The following NFIB variants were observed in gnomAD, a reference collection of about 807,000 sequenced individuals.
NFIB encodes nuclear factor 1 B-type.
Under a neutral mutation model 61.5 loss-of-function variants are expected in NFIB, and 11 were observed. That is an observed-to-expected ratio of 0.18 (90% CI 0.11 to 0.30). The LOEUF (loss-of-function observed/expected upper bound fraction) is 0.30. NFIB is among the 10% of genes least tolerant of loss of function. The pLI, the probability that NFIB is intolerant of heterozygous loss-of-function variation, is 1.00. For synonymous variants in NFIB, 260 were observed against 216.5 expected (o/e 1.20, Z -1.76); for missense variants, 471 against 608.9 (o/e 0.77, Z 2.38).
At chr9:14,523,542 T>C in the NFIB span, among the ~76,000 whole-genome samples, 1 of 152,038 alleles carries the variant, frequency 6.6e-6, no homozygotes, top group Non-Finnish European at 1.5e-5. Context: ...ATGTAAGAAT[T>C]ATGGGGAAAT....
the NFIB span, among the ~76,000 whole-genome samples, chr9:14,414,305 T>G: frequency 1.4e-4 from 22 of 151,806 alleles, no homozygotes; most frequent in South Asian, 6.3e-4. Context: ...CGTGGTGGCA[T>G]GTGCCTGTAG....
Position 14,082,547 on chromosome 9 carries a change from TAG to T in NFIB, c.*5760_*5761del, listed in dbSNP as rs2032133008. On this transcript the variant is annotated 3_prime_UTR_variant, in exon 11 of 11. Transcript: ENST00000380953. ...TTACCCCTCACATTCTACAATGTTG[TAG>T]AGATTTTTTTTCCCAAGAAAATGTC... is the stretch of plus-strand genomic sequence containing the variant. The T allele has an allele frequency of 1.4e-5, 3 of 207,498 alleles. No homozygotes were observed. The highest frequency in any genetic ancestry group is 1.5e-3 in the Middle Eastern group (1 of 660). The allele number at this position is 207,498 out of a possible 1,614,324, so 12.9% of individuals were successfully genotyped here. A position where few individuals can be genotyped will look rare whatever the true frequency, so the allele number is the denominator to read the frequency against.
At chr9:14,207,721 T>G (rs2049890972) in intron 2 of NFIB, among the ~76,000 whole-genome samples, 1 of 152,184 alleles carries the variant, frequency 6.6e-6, no homozygotes, top group Admixed American at 6.5e-5. Flanking sequence ...GAGAGTCTAA[T>G]TTCTCCCACG....
the NFIB span, among the ~76,000 whole-genome samples, chr9:14,436,794 T>C: frequency 2.0e-5 from 3 of 152,210 alleles, no homozygotes. Flanking sequence ...GGATCTACTA[T>C]AGTTCAGTTA....
the NFIB span, among the ~76,000 whole-genome samples, chr9:14,457,642 A>G: frequency 1.3e-5 from 2 of 152,080 alleles, no homozygotes; most frequent in African/African-American, 4.8e-5. Flanking sequence ...AGAAGAAAAG[A>G]GAGAAGAATC....
chr9:14,488,986 A>C, the NFIB span, among the ~76,000 whole-genome samples: 5 of 152,194 alleles, frequency 3.3e-5, no homozygotes, highest in African/African-American at 1.2e-4. Flanking sequence ...ATGACATAAC[A>C]GCTGTCTCTT....
intron 2 of NFIB, among the ~76,000 whole-genome samples, chr9:14,220,842 T>TACACACACACACACACACACAC (rs138623129): frequency 1.3e-4 from 16 of 123,020 alleles, no homozygotes; most frequent in Non-Finnish European, 2.5e-4. Flanking sequence ...TCAATCTCCC[T>TACACACACACACACACACACAC]ACACACACAC....
intron 2 of NFIB, among the ~76,000 whole-genome samples, chr9:14,238,920 T>C (rs570266149): frequency 6.6e-6 from 1 of 152,334 alleles, no homozygotes; most frequent in African/African-American, 2.4e-5. Flanking sequence ...CTTCTCTGTT[T>C]TGTTTCCTAA....
At chr9:14,508,831 T>C in the NFIB span, among the ~76,000 whole-genome samples, 6 of 152,262 alleles carry the variant, frequency 3.9e-5, no homozygotes, top group African/African-American at 1.4e-4. Context: ...TAGTTAACAT[T>C]CTGCTGAATT....
At chr9:14,469,222 C>A in the NFIB span, among the ~76,000 whole-genome samples, 2 of 152,170 alleles carry the variant, frequency 1.3e-5, no homozygotes, top group South Asian at 4.1e-4. Flanking sequence ...CCCCAAAACC[C>A]TGTAAGACTC....
chr9:14,463,666 T>G, the NFIB span, among the ~76,000 whole-genome samples: 2 of 67,884 alleles, frequency 2.9e-5, no homozygotes, highest in African/African-American at 1.2e-4. Context: ...TTTCTTTTTT[T>G]TTTTTTTTTT....
At chr9:14,290,415 C>T (rs549367081) in intron 2 of NFIB, among the ~76,000 whole-genome samples, 31 of 152,132 alleles carry the variant, frequency 2.0e-4, no homozygotes, top group African/African-American at 6.0e-4. Context: ...GTCTACAATA[C>T]GGCAGGTGCG....
the NFIB span, among the ~76,000 whole-genome samples, chr9:14,429,636 A>C: frequency 6.6e-6 from 1 of 152,156 alleles, no homozygotes; most frequent in Admixed American, 6.5e-5. Flanking sequence ...CTGTGGATGA[A>C]ATTGCAGCAG....
chr9:14,296,349 G>C (rs372474319), intron 2 of NFIB, among the ~76,000 whole-genome samples: 2 of 152,250 alleles, frequency 1.3e-5, no homozygotes, highest in African/African-American at 4.8e-5. Context: ...ACATGGAGCT[G>C]AAGTGACTTG....
intron 10 of NFIB, among the ~76,000 whole-genome samples, chr9:14,089,364 TAAA>T (rs577188593): frequency 3.7e-5 from 5 of 134,582 alleles, no homozygotes; most frequent in Admixed American, 7.6e-5. Context: ...TACAGGCTGT[TAAA>T]AAAAAAAAAA....
chr9:14,446,113 G>A, the NFIB span, among the ~76,000 whole-genome samples: 77 of 152,286 alleles, frequency 5.1e-4, no homozygotes, highest in East Asian at 0.012. Flanking sequence ...ATGCTCACCC[G>A]AAGAACGTGC....
chr9:14,337,904 T>C (rs2132865537), intron 1 of NFIB, among the ~76,000 whole-genome samples: 1 of 152,328 alleles, frequency 6.6e-6, no homozygotes, highest in Admixed American at 6.5e-5. Flanking sequence ...TGCTTATGAA[T>C]TCTATGTTTT....
chr9:14,434,026 C>A, the NFIB span, among the ~76,000 whole-genome samples: 1 of 152,296 alleles, frequency 6.6e-6, no homozygotes, highest in East Asian at 1.9e-4. Flanking sequence ...TACTGAAGAG[C>A]TGAGCACTAA....
upstream of NFIB, among the ~76,000 whole-genome samples, chr9:14,401,015 A>G (rs1186941777): frequency 1.3e-5 from 2 of 152,230 alleles, no homozygotes; most frequent in Non-Finnish European, 2.9e-5. Context: ...ATGTTTTTCT[A>G]ATCATCCCAA....
Sources: gnomAD v4.1 joint callset for allele counts (sites outside exome capture counted in the v4.1 genomes callset) on GRCh38, gnomAD v4.1.1 for gene constraint, MANE v1.5 for transcripts, NCBI Gene and HGNC (gene_info 2026-07-23, HGNC 2026-07-21) for gene names.